RALA: variants seen among roughly 807,000 people sequenced by gnomAD.
RALA encodes the protein RAS like proto-oncogene A, also known as ras-related protein Ral-A.
RALA carries 5 observed loss-of-function variants against 24.0 expected under a neutral mutation model. That is an observed-to-expected ratio of 0.21 (90% CI 0.11 to 0.44). The LOEUF (loss-of-function observed/expected upper bound fraction) is 0.44. Among genes scored for constraint, RALA ranks in the 20% least tolerant of loss-of-function variants. RALA has a pLI of 0.99. For missense variants in RALA, 95 were observed against 241.2 expected, an observed-to-expected ratio of 0.39 and a Z score of 4.01; for synonymous variants, 77 against 83.8, an observed-to-expected ratio of 0.92 and a Z score of 0.44.
At chr7:39,679,228 T>TAG (rs1207457722) in intron 1 of RALA, among the ~76,000 whole-genome samples, 1 of 152,178 alleles carries the variant, frequency 6.6e-6, no homozygotes. Context: ...ACACCACGGA[T>TAG]AGACAAAAAT....
intron 1 of RALA, among the ~76,000 whole-genome samples, chr7:39,684,491 C>T (rs1003884156): frequency 1.3e-5 from 2 of 151,888 alleles, no homozygotes; most frequent in African/African-American, 4.8e-5. Flanking sequence ...AGACCTGAAG[C>T]CGCACCCAGT....
At chr7:39,694,189 A>C (rs2116091809) in intron 3 of RALA, among the ~76,000 whole-genome samples, 1 of 152,360 alleles carries the variant, frequency 6.6e-6, no homozygotes, top group Middle Eastern at 3.4e-3. Context: ...ATGATATGGC[A>C]CCATACAGTT....
At chr7:39,680,159 C>T (rs919018947) in intron 1 of RALA, among the ~76,000 whole-genome samples, 5 of 151,870 alleles carry the variant, frequency 3.3e-5, no homozygotes, top group African/African-American at 1.2e-4. Context: ...CACCTGAGGT[C>T]GGGAGTTTGA....
At chr7:39,683,403 CAG>C (rs1179986296) in intron 1 of RALA, among the ~76,000 whole-genome samples, 1 of 152,194 alleles carries the variant, frequency 6.6e-6, no homozygotes, top group Non-Finnish European at 1.5e-5. Context: ...GCCACCTCTT[CAG>C]AGTCATCCTT....
chr7:39,628,284 A>G (rs767742643), intron 1 of RALA, among the ~76,000 whole-genome samples: 3 of 152,066 alleles, frequency 2.0e-5, no homozygotes, highest in Non-Finnish European at 4.4e-5. Context: ...TGCTGTCATA[A>G]TATCTGTTAC....
At chr7:39,677,501 G>A (rs1792508069) in intron 1 of RALA, among the ~76,000 whole-genome samples, 1 of 98,052 alleles carries the variant, frequency 1.0e-5, no homozygotes, top group Non-Finnish European at 2.0e-5. Context: ...TGTGAATAAT[G>A]CCGCAATAAA....
At chr7:39,637,881 C>G (rs1791711507) in intron 1 of RALA, among the ~76,000 whole-genome samples, 1 of 152,072 alleles carries the variant, frequency 6.6e-6, no homozygotes, top group African/African-American at 2.4e-5. Flanking sequence ...GATTTTTGAG[C>G]TATTTGAAAG....
intron 1 of RALA, among the ~76,000 whole-genome samples, chr7:39,661,186 A>C (rs1583725097): frequency 6.6e-6 from 1 of 152,192 alleles, no homozygotes; most frequent in East Asian, 1.9e-4. Context: ...GCGGGTCCCT[A>C]CCACAATACC....
chr7:39,630,961 A>G (rs1046938466), intron 1 of RALA, among the ~76,000 whole-genome samples: 3 of 150,098 alleles, frequency 2.0e-5, no homozygotes, highest in African/African-American at 7.3e-5. Context: ...GAATTTTAGC[A>G]TCAATTTGTC....
intron 1 of RALA, among the ~76,000 whole-genome samples, chr7:39,679,165 C>T (rs1447105461): frequency 6.6e-6 from 1 of 151,256 alleles, no homozygotes; most frequent in African/African-American, 2.4e-5. Context: ...CATATTATTC[C>T]ATGTATCAGA....
intron 1 of RALA, among the ~76,000 whole-genome samples, chr7:39,647,334 C>T (rs1250420251): frequency 6.6e-6 from 1 of 152,178 alleles, no homozygotes; most frequent in Non-Finnish European, 1.5e-5. Context: ...TGAGCCACCA[C>T]GCCTGGCTGC....
intron 4 of RALA, among the ~76,000 whole-genome samples, chr7:39,704,068 A>G (rs934081116): frequency 6.7e-6 from 1 of 150,194 alleles, no homozygotes; most frequent in Admixed American, 6.7e-5. Flanking sequence ...TGGAAGGCTG[A>G]GGCAGGAGAA....
intron 1 of RALA, among the ~76,000 whole-genome samples, chr7:39,634,143 G>A (rs775402642): frequency 1.3e-5 from 2 of 152,176 alleles, no homozygotes; most frequent in East Asian, 1.9e-4. Context: ...TCAGTCCATG[G>A]CCTGTTGTCC....
rs1449998194 is a variant in RALA, at chr7:39,707,287, C to T, written c.*1042C>T. On this transcript the variant is annotated 3_prime_UTR_variant, in exon 5 of 5. Coordinates refer to ENST00000005257, the MANE Select transcript of RALA (RefSeq NM_005402.4). Reference sequence around the variant, plus strand: ...GAAGAAAATGTCAGTAGTGCTAATGCATTTTGCACTAGAACGCTTCGGGAA... The same window carrying T: ...GAAGAAAATGTCAGTAGTGCTAATGTATTTTGCACTAGAACGCTTCGGGAA... 1 of 152,196 alleles carries T rather than the reference C, an allele frequency of 6.6e-6. No homozygotes were observed. The highest frequency in any genetic ancestry group is 1.5e-5 in the Non-Finnish European group (1 of 68,050). 9.4% of individuals were successfully genotyped at this position (152,196 alleles called of 1,614,324 possible).
intron 1 of RALA, 32 bp from the exon 2 acceptor site, chr7:39,686,599 C>A (rs999276973): frequency 1.7e-6 from 2 of 1,196,932 alleles, no homozygotes; most frequent in East Asian, 4.7e-5. Context: ...GAAGAATGTA[C>A]TGAGCATTAC....
intron 1 of RALA, among the ~76,000 whole-genome samples, chr7:39,662,362 C>CT (rs975149976): frequency 4.6e-4 from 70 of 152,130 alleles, no homozygotes; most frequent in Non-Finnish European, 9.0e-4. Flanking sequence ...AGAAAATTGG[C>CT]TTTTTTTTCC....
rs962213833 is a variant in RALA at position 39,643,962 on chromosome 7, C to T, written c.-38+20137C>T. ...GGGCTATTGAATTCAAGGAATACTC[C>T]CCTGAATTCATAATAGCCTCTGAGA... On this transcript the variant is annotated intron_variant, in intron 1 of 4. Coordinates refer to ENST00000005257, the MANE Select transcript of RALA (RefSeq NM_005402.4). 5.7e-4 allele frequency among the ~76,000 whole-genome samples: 87 copies of T among 152,112 alleles called. 2 individuals carry two copies. Among genetic ancestry groups the T allele is most frequent in the Non-Finnish European group, 2.5e-4 (17 of 68,022 alleles).
chr7:39,656,010 T>A (rs1288553470), intron 1 of RALA, among the ~76,000 whole-genome samples: 4 of 152,248 alleles, frequency 2.6e-5, no homozygotes, highest in Non-Finnish European at 5.9e-5. Context: ...TGTGATCAGC[T>A]GAACTTACAT....
intron 1 of RALA, among the ~76,000 whole-genome samples, chr7:39,650,217 G>A (rs1791997396): frequency 6.6e-6 from 1 of 152,176 alleles, no homozygotes; most frequent in African/African-American, 2.4e-5. Context: ...CTAGGATCTT[G>A]ATCAGTTTCA....
Sources: allele counts gnomAD v4.1 joint callset (sites outside exome capture counted in the v4.1 genomes callset), GRCh38; gene constraint gnomAD v4.1.1; transcripts MANE v1.5; gene names NCBI Gene and HGNC (gene_info 2026-07-23, HGNC 2026-07-21).